Variants in PAAF1 observed in about 807,000 individuals in gnomAD.
PAAF1 encodes proteasomal ATPase-associated factor 1.
Under a neutral mutation model 52.8 loss-of-function variants are expected in PAAF1, and 46 were observed. That is an observed-to-expected ratio of 0.87 (90% confidence interval 0.69 to 1.11). PAAF1 has a LOEUF of 1.11. Among genes scored for constraint, PAAF1 ranks in the 50% most tolerant of loss-of-function variants. The pLI is 0.00. For synonymous variants in PAAF1, 178 were observed against 172.8 expected, an observed-to-expected ratio of 1.03 and a Z score of -0.24; for missense variants, 424 against 477.4, an observed-to-expected ratio of 0.89 and a Z score of 1.04.
At chr11:73,900,490 A>G in intron 6 of PAAF1, 70 bp downstream of exon 6, 2 of 1,477,680 alleles carry the variant, frequency 1.4e-6, no homozygotes, top group Non-Finnish European at 1.8e-6. Context: ...AAAGGTAGAA[A>G]CAAGCTAGTT....
At chr11:73,900,981 C>CAAAAAA (rs5792636) in intron 6 of PAAF1, among the ~76,000 whole-genome samples, 18 of 59,548 alleles carry the variant, frequency 3.0e-4, no homozygotes, top group East Asian at 5.7e-4. Flanking sequence ...GACTCCGTCT[C>CAAAAAA]AAAAAAAAAA....
At chr11:73,899,267 T>C (rs1423298905) in intron 5 of PAAF1, 23 bp downstream of exon 5, 1 of 1,590,800 alleles carries the variant, frequency 6.3e-7, no homozygotes, top group Non-Finnish European at 8.6e-7. Context: ...GATGTACTTT[T>C]AGGTCTTAAA....
chr11:73,899,067 A>C, intron 4 of PAAF1, 79 bp from the exon 5 acceptor site: 1 of 1,143,674 alleles, frequency 8.7e-7, no homozygotes, highest in Non-Finnish European at 1.3e-6. Flanking sequence ...GAGTGAAAAA[A>C]GGGAAGTTTA....
chr11:73,926,756 C>G (rs965338697), intron 11 of PAAF1, among the ~76,000 whole-genome samples: 3 of 152,134 alleles, frequency 2.0e-5, no homozygotes, highest in Non-Finnish European at 2.9e-5. Flanking sequence ...TATTTTGAAT[C>G]AACACATTTC....
chr11:73,894,114 T>A (rs2886812), intron 4 of PAAF1, among the ~76,000 whole-genome samples: 4 of 152,226 alleles, frequency 2.6e-5, no homozygotes, highest in African/African-American at 9.6e-5. Flanking sequence ...TTATACATCA[T>A]TTTTTATTAT....
chr11:73,927,030 T>C (rs955302202), intron 11 of PAAF1, among the ~76,000 whole-genome samples: 2 of 152,188 alleles, frequency 1.3e-5, no homozygotes, highest in African/African-American at 4.8e-5. Context: ...ACAATACTAA[T>C]GGGTTTGCTT....
intron 11 of PAAF1, among the ~76,000 whole-genome samples, chr11:73,926,486 A>G (rs754002765): frequency 2.9e-4 from 44 of 152,140 alleles, no homozygotes; most frequent in Non-Finnish European, 4.9e-4. Flanking sequence ...AGGGGGTGCG[A>G]ATCACGAGGT....
chr11:73,908,293 A>G (rs868362388), intron 6 of PAAF1, among the ~76,000 whole-genome samples: 10 of 139,710 alleles, frequency 7.2e-5, no homozygotes, highest in South Asian at 2.1e-4. Context: ...ATGTATATAT[A>G]TGTGTGTATA....
intron 8 of PAAF1, 50 bp downstream of exon 8, chr11:73,914,554 CTG>C (rs747467314): frequency 1.3e-6 from 2 of 1,507,206 alleles, no homozygotes; most frequent in African/African-American, 1.4e-5. Flanking sequence ...CTGGGTCACT[CTG>C]TGTCTTAGAA....
chr11:73,916,745 T>A, intron 9 of PAAF1, 85 bp downstream of exon 9: 1 of 836,114 alleles, frequency 1.2e-6, no homozygotes, highest in Non-Finnish European at 1.9e-6. Flanking sequence ...GCCTAGCATA[T>A]AGATAACTAT....
At chr11:73,901,074 T>C (rs1439359499) in intron 6 of PAAF1, among the ~76,000 whole-genome samples, 4 of 147,628 alleles carry the variant, frequency 2.7e-5, no homozygotes, top group Non-Finnish European at 4.5e-5. Flanking sequence ...CGTATACTTG[T>C]GTGCTGGGAA....
intron 6 of PAAF1, among the ~76,000 whole-genome samples, chr11:73,902,932 C>T (rs1005052397): frequency 6.6e-6 from 1 of 152,130 alleles, no homozygotes; most frequent in Non-Finnish European, 1.5e-5. Flanking sequence ...AACTCCTGAC[C>T]TTGTGATCGC....
Position 73,919,051 on chromosome 11 carries a change from T to G in PAAF1, c.1018+19T>G. On this transcript the variant is annotated intron_variant, in intron 10 of 11. Coordinates refer to ENST00000310571, the MANE Select transcript of PAAF1 (RefSeq NM_025155.3). Reference sequence around the variant, plus strand: ...AGCCAAGGTGGGTCCATGGGCCAATTGAGAGAGATGCTTCTCTGTAGTTCA... The same window carrying G: ...AGCCAAGGTGGGTCCATGGGCCAATGGAGAGAGATGCTTCTCTGTAGTTCA... 2 of 1,585,148 alleles carry G rather than the reference T, an allele frequency of 1.3e-6. No individual in the cohort carries two copies. Among genetic ancestry groups the G allele is most frequent in the Non-Finnish European group, 1.7e-6 (2 of 1,158,508 alleles).
chr11:73,921,767 GC>G, intron 10 of PAAF1: 3 of 1,190,300 alleles, frequency 2.5e-6, no homozygotes, highest in Non-Finnish European at 3.7e-6. Context: ...CAAAGTCTCA[GC>G]CCAGTCTCTT....
intron 6 of PAAF1, among the ~76,000 whole-genome samples, chr11:73,903,018 G>T (rs986558440): frequency 6.6e-6 from 1 of 152,200 alleles, no homozygotes; most frequent in Admixed American, 6.5e-5. Flanking sequence ...AATCAATTTA[G>T]ATATAAGCTT....
intron 2 of PAAF1, among the ~76,000 whole-genome samples, chr11:73,885,178 AC>A (rs1949027241): frequency 7.2e-6 from 1 of 138,976 alleles, no homozygotes; most frequent in African/African-American, 2.7e-5. Context: ...TCACTCTGTC[AC>A]CCAGGCTGGA....
Position 73,891,200 on chromosome 11 carries a change from G to C in PAAF1, c.281G>C (p.Ser94Thr). The C allele has an allele frequency of 6.6e-7, 1 of 1,520,298 alleles. No homozygotes were observed. The highest frequency in any genetic ancestry group is 9.1e-7 in the Non-Finnish European group (1 of 1,102,984). The allele number at this position is 1,520,298 out of a possible 1,614,324, so 94.2% of individuals were successfully genotyped here. Reference protein sequence around the residue: ...YTTFSRIHTKSITCLDISSRG... With the variant: ...YTTFSRIHTKTITCLDISSRG... Reference sequence around the variant, plus strand: ...ACTTTTTCCAGAATTCATACAAAGAGTGTAAGTATTTTGATAAAATGAAGA... The same window carrying C: ...ACTTTTTCCAGAATTCATACAAAGACTGTAAGTATTTTGATAAAATGAAGA... Residue 94 changes from serine to threonine, a missense_variant and splice_region_variant, in exon 4 of 12, where the codon AGT becomes ACT. Coordinates refer to ENST00000310571, the MANE Select transcript of PAAF1 (RefSeq NM_025155.3).
Position 73,900,342 on chromosome 11 carries a change from G to A in PAAF1, c.454G>A (p.Gly152Arg). 3 of 1,613,090 alleles carry A rather than the reference G, an allele frequency of 1.9e-6. No individual in the cohort carries two copies. The highest frequency in any genetic ancestry group is 1.1e-5 in the South Asian group (1 of 90,942). Residue 152 changes from glycine to arginine, a missense_variant, in exon 6 of 12, where the codon GGG becomes AGG. Transcript: ENST00000310571. ...CCCATCAGGCCTTGTGGTCCTGAGT[G>A]GGGGAATGGATGCCCAGCTGAAGAT... The part of the protein sequence containing the change: ...FFPSGLVVLS[G>R]GMDAQLKIWS...
chr11:73,887,222 A>G (rs1345851965), intron 2 of PAAF1, 132 bp from the exon 3 acceptor site: 2 of 588,596 alleles, frequency 3.4e-6, no homozygotes, highest in East Asian at 3.0e-5. Context: ...CTTTTAACAC[A>G]GGCACCTGTT....
Sources: gnomAD v4.1 joint callset for allele counts (sites outside exome capture counted in the v4.1 genomes callset) on GRCh38, gnomAD v4.1.1 for gene constraint, MANE v1.5 for transcripts, NCBI Gene and HGNC (gene_info 2026-07-23, HGNC 2026-07-21) for gene names.